KIF3C: variants seen among roughly 807,000 people sequenced by gnomAD.
KIF3C encodes the protein kinesin family member 3C.
A neutral mutation model predicts 67.7 loss-of-function variants in KIF3C; 12 were observed. The observed-to-expected ratio is 0.18, with a 90% CI of 0.11 to 0.29. The LOEUF is 0.29. Among genes scored for constraint, KIF3C ranks in the 10% least tolerant of loss-of-function variants. The pLI is 1.00. For synonymous variants in KIF3C, 393 were observed against 426.2 expected, an observed-to-expected ratio of 0.92 and a Z score of 0.96; for missense variants, 789 against 1,059.6, an observed-to-expected ratio of 0.74 and a Z score of 3.55.
At chr2:25,957,657 A>T (rs1483735215) in intron 1 of KIF3C, among the ~76,000 whole-genome samples, 2 of 152,136 alleles carry the variant, frequency 1.3e-5, no homozygotes, top group African/African-American at 4.8e-5. Flanking sequence ...GTGCTGTCAG[A>T]CTTGGGGAGC....
chr2:25,929,886 G>A, intron 6 of KIF3C, 69 bp downstream of exon 6: 3 of 1,087,012 alleles, frequency 2.8e-6, no homozygotes, highest in Non-Finnish European at 4.3e-6. Context: ...ACAGTGCTGG[G>A]ATTACAGGTG....
chr2:25,953,166 G>A (rs1663672016), intron 4 of KIF3C, among the ~76,000 whole-genome samples: 2 of 151,372 alleles, frequency 1.3e-5, no homozygotes, highest in Admixed American at 6.6e-5. Context: ...CTACTCAGGA[G>A]GCTGAGGCAG....
intron 1 of KIF3C, among the ~76,000 whole-genome samples, chr2:25,968,112 G>C (rs899045688): frequency 6.6e-6 from 1 of 152,168 alleles, no homozygotes; most frequent in African/African-American, 2.4e-5. Context: ...GGAGTCAGCA[G>C]TAAGGGAAGA....
In KIF3C at chr2:25,958,604, C is replaced by T. The variant is rs1663869869; in HGVS notation, c.1546-2160G>A. Among the ~76,000 whole-genome samples the T allele has an allele frequency of 2.0e-5, 3 of 151,968 alleles. No individual in the cohort carries two copies. In the South Asian group the frequency reaches 6.2e-4, roughly 32 times the overall value. Reference sequence around the variant, plus strand: ...ACAAAAAACAAAAAACAAAAAACAGCACAACTCTGAATGCTTGCTCCTTGG... The same window carrying T: ...ACAAAAAACAAAAAACAAAAAACAGTACAACTCTGAATGCTTGCTCCTTGG... On this transcript the variant is annotated intron_variant, in intron 1 of 7. Coordinates refer to ENST00000264712, the MANE Select transcript of KIF3C (RefSeq NM_002254.8). This position sits in a 1 kb window ranked among gnomAD's most constrained non-coding sequence, Gnocchi z 4.5.
intron 5 of KIF3C, among the ~76,000 whole-genome samples, chr2:25,950,123 G>A (rs180772017): frequency 4.4e-4 from 66 of 151,056 alleles, no homozygotes; most frequent in African/African-American, 1.5e-3. Flanking sequence ...AACTCCTGAC[G>A]CCAAGTGATC....
intron 5 of KIF3C, among the ~76,000 whole-genome samples, chr2:25,932,011 T>G (rs999703001): frequency 6.0e-5 from 9 of 149,638 alleles, no homozygotes; most frequent in South Asian, 2.1e-4. Context: ...TTGTTTTTTT[T>G]TTTTTTTTTT....
chr2:25,965,007 C>G (rs1209278357), intron 1 of KIF3C, among the ~76,000 whole-genome samples: 1 of 152,166 alleles, frequency 6.6e-6, no homozygotes, highest in African/African-American at 2.4e-5. Flanking sequence ...GCGGGCTGGG[C>G]CCTGGGCTCC....
rs1420776716 is a variant in KIF3C, at chr2:25,969,606, A to G, written c.1545+10767T>C. On this transcript the variant is annotated intron_variant, in intron 1 of 7. Coordinates refer to ENST00000264712, the MANE Select transcript of KIF3C (RefSeq NM_002254.8). ...CATATTAAAATCCCTAGCAATAACC[A>G]TTATTGCGAGTTCTTATGATTCCTT... 4.6e-5 allele frequency among the ~76,000 whole-genome samples: 7 copies of G among 152,310 alleles called. No homozygotes were observed. In the East Asian group the frequency reaches 1.4e-3, roughly 29 times the overall value.
At chr2:25,979,399 G>C (rs765158890) in intron 1 of KIF3C, among the ~76,000 whole-genome samples, 1 of 152,174 alleles carries the variant, frequency 6.6e-6, no homozygotes, top group Admixed American at 6.5e-5. Flanking sequence ...CCTCGGGGCA[G>C]GGGTCGGTTG....
chr2:25,933,111 C>T (rs2090475930), intron 5 of KIF3C, among the ~76,000 whole-genome samples: 1 of 150,392 alleles, frequency 6.6e-6, no homozygotes, highest in Admixed American at 6.6e-5. Context: ...ATTAGCCAGG[C>T]GTGGCAGCAT....
chr2:25,981,567 G>A lies in KIF3C; in HGVS notation c.351C>T (p.Arg117=), dbSNP rs545237235. Reference sequence around the variant, plus strand: ...GCTCAAAGGCATTCGGGATGACCCCGCGCAGCTCGGGCTCCACCCAGGTCC... The same window carrying A: ...GCTCAAAGGCATTCGGGATGACCCCACGCAGCTCGGGCTCCACCCAGGTCC... ...MQGTWVEPEL[R]GVIPNAFEHI... Residue 117 remains arginine, a synonymous_variant, in exon 1 of 8, where the codon CGC becomes CGT. Transcript: ENST00000264712. This position sits in a 1 kb window ranked among gnomAD's most constrained non-coding sequence, Gnocchi z 8.2. The A allele has an allele frequency of 6.8e-6, 11 of 1,614,212 alleles. No homozygotes were observed. In the South Asian group the frequency reaches 1.1e-4, roughly 16 times the overall value.
chr2:25,939,515 A>G (rs1045020566), intron 5 of KIF3C, among the ~76,000 whole-genome samples: 2 of 152,194 alleles, frequency 1.3e-5, no homozygotes, highest in African/African-American at 4.8e-5. Context: ...ACTGTCTTCA[A>G]TTCTCACAGG....
chr2:25,929,331 C>A lies in KIF3C; in HGVS notation c.2262G>T (p.Thr754=). The A allele has an allele frequency of 6.2e-7, 1 of 1,614,092 alleles. No individual in the cohort carries two copies. Among genetic ancestry groups the A allele is most frequent in the Non-Finnish European group, 8.5e-7 (1 of 1,179,978 alleles). The stretch of plus-strand genomic sequence containing the variant: ...AGGATCTGGACTTTCGGACTTTAGA[C>A]GTGGAAGGTCTTTCCAGAAAGCTGT... The part of the protein sequence containing the change: ...RLDSFLERPS[T]SKVRKSRSWC... The change falls in exon 7 of 8, where the codon ACG becomes ACT. Residue 754 remains threonine (T), a synonymous_variant. Transcript: ENST00000264712.
At chr2:25,970,034 C>T (rs1339959925) in intron 1 of KIF3C, among the ~76,000 whole-genome samples, 3 of 152,068 alleles carry the variant, frequency 2.0e-5, no homozygotes, top group Non-Finnish European at 4.4e-5. Context: ...GTTGATTATA[C>T]GAACGAATGG....
chr2:25,980,285 G>A lies in KIF3C; in HGVS notation c.1545+88C>T, dbSNP rs1003995103. The A allele has an allele frequency of 7.3e-6, 8 of 1,099,572 alleles. No individual in the cohort carries two copies. Among genetic ancestry groups the A allele is most frequent in the Admixed American group, 4.9e-5 (2 of 40,598 alleles). The allele number at this position is 1,099,572 out of a possible 1,614,324, so 68.1% of individuals were successfully genotyped here. On this transcript the variant is annotated intron_variant, in intron 1 of 7. Coordinates refer to ENST00000264712, the MANE Select transcript of KIF3C (RefSeq NM_002254.8). This position sits in a 1 kb window ranked among gnomAD's most constrained non-coding sequence, Gnocchi z 7.6. ...TGCTGAGGGAGAACCTCCACTTCAG[G>A]CCAGGTCACAGACTCTCAAAGAAGA...
chr2:25,964,952 T>C (rs977449555), intron 1 of KIF3C, among the ~76,000 whole-genome samples: 3 of 152,218 alleles, frequency 2.0e-5, no homozygotes, highest in African/African-American at 7.2e-5. Flanking sequence ...GCTTCCGCGT[T>C]GGATCTCCTC....
rs147101218 is a variant in KIF3C at position 25,976,646 on chromosome 2, A to G, written c.1545+3727T>C. ...CATGGTGGTGGGCACCTGTAATCCC[A>G]GCTACTAGGGAGGATGAGGCAGGAG... On this transcript the variant is annotated intron_variant, in intron 1 of 7. Transcript: ENST00000264712. Among the ~76,000 whole-genome samples the G allele has an allele frequency of 2.0e-3, 304 of 152,284 alleles. 3 individuals are homozygous for G. Among genetic ancestry groups the G allele is most frequent in the African/African-American group, 6.9e-3 (286 of 41,566 alleles).
At chr2:25,976,725 A>C (rs910466953) in intron 1 of KIF3C, among the ~76,000 whole-genome samples, 11 of 152,184 alleles carry the variant, frequency 7.2e-5, no homozygotes, top group Non-Finnish European at 1.3e-4. Context: ...GTGCCATTGC[A>C]CTCCAGCCTC....
chr2:25,928,660 G>C lies in KIF3C; in HGVS notation c.*318C>G, dbSNP rs2090431147. ...CTTCCCTTCTGGAGGCAGCTGACAG[G>C]GGGACAAGCCTGAGATCTGACTGGG... On this transcript the variant is annotated 3_prime_UTR_variant, in exon 8 of 8. Transcript: ENST00000264712. 2 of 211,650 alleles carry C rather than the reference G, an allele frequency of 9.4e-6. No homozygotes were observed. The highest frequency in any genetic ancestry group is 2.2e-4 in the East Asian group (2 of 8,924). 13.1% of individuals were successfully genotyped at this position (211,650 alleles called of 1,614,324 possible).
Sources: gnomAD v4.1 joint callset for allele counts (sites outside exome capture counted in the v4.1 genomes callset) on GRCh38, gnomAD v4.1.1 for gene constraint, Gnocchi (gnomAD v3.1) non-coding constraint, MANE v1.5 for transcripts, NCBI Gene and HGNC (gene_info 2026-07-23, HGNC 2026-07-21) for gene names.